Variants in CEP78 observed in about 807,000 individuals in gnomAD.
CEP78 encodes centrosomal protein of 78 kDa.
In CEP78, 76 loss-of-function variants were observed where a neutral mutation model predicts 81.2. That is an observed-to-expected ratio of 0.94 (90% CI 0.78 to 1.13). CEP78 has a LOEUF of 1.13. Ranked by LOEUF, CEP78 falls within the 50% of genes most tolerant of loss-of-function variation. The pLI is 0.00. For missense variants in CEP78, 918 were observed against 846.8 expected (o/e 1.08, Z -1.04); for synonymous variants, 293 against 301.4 (o/e 0.97, Z 0.29).
Position 78,271,015 on chromosome 9 carries a change from G to T in CEP78, c.*164G>T. Reference sequence around the variant, plus strand: ...CTCATCTTTGGAGCATCTGATTCTGGAGTTTGCCACCAGGCTAAGAAAGCA... The same window carrying T: ...CTCATCTTTGGAGCATCTGATTCTGTAGTTTGCCACCAGGCTAAGAAAGCA... On this transcript the variant is annotated 3_prime_UTR_variant, in exon 17 of 17. Transcript: ENST00000643273. 1 of 496,840 alleles carries T rather than the reference G, an allele frequency of 2.0e-6. No homozygotes were observed. Among genetic ancestry groups the T allele is most frequent in the Non-Finnish European group, 3.5e-6 (1 of 285,498 alleles). 30.8% of individuals were successfully genotyped at this position (496,840 alleles called of 1,614,324 possible).
chr9:78,248,437 C>T (rs1166412849), intron 7 of CEP78, 82 bp downstream of exon 7: 2 of 894,348 alleles, frequency 2.2e-6, no homozygotes, highest in Non-Finnish European at 3.6e-6. Flanking sequence ...CCCAGCCTGG[C>T]CTCAAACTTC....
chr9:78,253,254 C>T lies in CEP78; in HGVS notation c.1228C>T (p.Arg410Cys), dbSNP rs200567472. Residue 410 changes from arginine (R) to cysteine (C), a missense_variant, in exon 10 of 17, where the codon CGT becomes TGT. Transcript: ENST00000643273. ...TAGGGGTTTCCCATTAATCAAAACA[C>T]GTGATATATGTAATCAGTTGCAGGT... is the stretch of plus-strand genomic sequence containing the variant. ...RHRGFPLIKT[R>C]DICNQLQQPG... The T allele has an allele frequency of 7.3e-5, 101 of 1,386,030 alleles. No homozygotes were observed. Among genetic ancestry groups the T allele is most frequent in the Non-Finnish European group, 9.4e-5 (93 of 985,582 alleles). 85.9% of individuals were successfully genotyped at this position (1,386,030 alleles called of 1,614,324 possible). A position where few individuals can be genotyped will look rare whatever the true frequency, so the allele number is the denominator to read the frequency against.
In CEP78 at chr9:78,277,697, T is replaced by A. The variant is rs970392379; in HGVS notation, c.*6846T>A. The A allele has an allele frequency of 8.7e-4, 133 of 152,312 alleles. No homozygotes were observed. The highest frequency in any genetic ancestry group is 3.1e-3 in the African/African-American group (129 of 41,576). 9.4% of individuals were successfully genotyped at this position (152,312 alleles called of 1,614,324 possible). A position where few individuals can be genotyped will look rare whatever the true frequency, so the allele number is the denominator to read the frequency against. On this transcript the variant is annotated 3_prime_UTR_variant, in exon 17 of 17. Coordinates refer to ENST00000643273, the MANE Select transcript of CEP78 (RefSeq NM_001330691.3). ...ATCAACATGTGAAATGTCTCCAGCCTTTGATCTAATGACTAATTTTAGGCA... is the reference window on the plus strand; with the variant it reads ...ATCAACATGTGAAATGTCTCCAGCCATTGATCTAATGACTAATTTTAGGCA...
rs12553885 is a variant in CEP78 at position 78,270,479 on chromosome 9, A to G, written c.2108-362A>G. ...AAGTGTGTTCCTTTACTGAGAAATTACTATGCACCTTTACTGAGTACTTAC... is the reference window on the plus strand; with the variant it reads ...AAGTGTGTTCCTTTACTGAGAAATTGCTATGCACCTTTACTGAGTACTTAC... On this transcript the variant is annotated intron_variant, in intron 16 of 16. Coordinates refer to ENST00000643273, the MANE Select transcript of CEP78 (RefSeq NM_001330691.3). Among the ~76,000 whole-genome samples the G allele has an allele frequency of 5.0e-3, 763 of 152,290 alleles. 11 individuals are homozygous for G. The highest frequency in any genetic ancestry group is 0.025 in the Admixed American group (381 of 15,300).
At chr9:78,251,780 C>A in intron 8 of CEP78, 128 bp from the exon 9 acceptor site, 1 of 589,102 alleles carries the variant, frequency 1.7e-6, no homozygotes. Context: ...CAAATTGATC[C>A]TGATTTAATG....
rs564494085 is a variant in CEP78 at position 78,272,554 on chromosome 9, C to T, written c.*1703C>T. On this transcript the variant is annotated 3_prime_UTR_variant, in exon 17 of 17. Transcript: ENST00000643273. The stretch of plus-strand genomic sequence containing the variant: ...AGGACACAGAAAGTGAAAGCTTGTC[C>T]TAGATATTGTCTTATTCATGGGAAG... 2 of 152,018 alleles carry T rather than the reference C, an allele frequency of 1.3e-5. No individual in the cohort carries two copies. Among genetic ancestry groups the T allele is most frequent in the African/African-American group, 4.8e-5 (2 of 41,378 alleles). The allele number at this position is 152,018 out of a possible 1,614,324, so 9.4% of individuals were successfully genotyped here.
Position 78,270,942 on chromosome 9 carries a change from T to A in CEP78, c.*91T>A. Reference sequence around the variant, plus strand: ...AAATTTCTGGAAGATAAGAAGCAGATGATTTAAGTACCAGTTAATTAAAGG... The same window carrying A: ...AAATTTCTGGAAGATAAGAAGCAGAAGATTTAAGTACCAGTTAATTAAAGG... On this transcript the variant is annotated 3_prime_UTR_variant, in exon 17 of 17. Transcript: ENST00000643273. The A allele has an allele frequency of 1.6e-6, 1 of 625,252 alleles. No individual in the cohort carries two copies. Among genetic ancestry groups the A allele is most frequent in the Non-Finnish European group, 2.8e-6 (1 of 355,194 alleles). 38.7% of individuals were successfully genotyped at this position (625,252 alleles called of 1,614,324 possible).
intron 10 of CEP78, among the ~76,000 whole-genome samples, chr9:78,254,294 C>T (rs988973801): frequency 4.6e-5 from 7 of 152,068 alleles, no homozygotes; most frequent in Non-Finnish European, 8.8e-5. Flanking sequence ...TCTCGAACTT[C>T]TGACCTTAAG....
rs763885839 is a variant in CEP78, at chr9:78,266,565, C to T, written c.1969C>T (p.Arg657Trp). 5.6e-6 allele frequency: 9 copies of T among 1,613,868 alleles called. No homozygotes were observed. The highest frequency in any genetic ancestry group is 1.6e-4 in the Middle Eastern group (1 of 6,062). ...NNLGVPATEQ[R>W]QESFEGFIAR... The stretch of plus-strand genomic sequence containing the variant: ...CCTAGGAGTCCCAGCTACTGAGCAG[C>T]GGCAGGAGTCTTTTGAAGGATTCAT... Residue 657 changes from arginine to tryptophan, a missense_variant, in exon 16 of 17, where the codon CGG becomes TGG. By Grantham distance (101) the Arg-to-Trp change is moderately radical (BLOSUM62 -3). Transcript: ENST00000643273.
chr9:78,251,898 T>C lies in CEP78; in HGVS notation c.1070-10T>C. On this transcript the variant is annotated splice_polypyrimidine_tract_variant and intron_variant, in intron 8 of 16. Transcript: ENST00000643273. Reference sequence around the variant, plus strand: ...ATCTTGATTCTTTCTTTTTAACACTTCTCAAGTAGGATTGGCTACAAAGAA... The same window carrying C: ...ATCTTGATTCTTTCTTTTTAACACTCCTCAAGTAGGATTGGCTACAAAGAA... 1 of 1,602,182 alleles carries C rather than the reference T, an allele frequency of 6.2e-7. No individual in the cohort carries two copies. Among genetic ancestry groups the C allele is most frequent in the Admixed American group, 1.7e-5 (1 of 59,552 alleles).
rs142750130 is a variant in CEP78 at position 78,270,998 on chromosome 9, T to C, written c.*147T>C. The C allele has an allele frequency of 2.0e-6, 1 of 499,074 alleles. No individual in the cohort carries two copies. Among genetic ancestry groups the C allele is most frequent in the African/African-American group, 2.0e-5 (1 of 49,858 alleles). 30.9% of individuals were successfully genotyped at this position (499,074 alleles called of 1,614,324 possible). ...ACAGCTAAGCCATTCCACTCATCTT[T>C]GGAGCATCTGATTCTGGAGTTTGCC... On this transcript the variant is annotated 3_prime_UTR_variant, in exon 17 of 17. Transcript: ENST00000643273.
At chr9:78,238,357 C>A (rs1248931547) in intron 1 of CEP78, among the ~76,000 whole-genome samples, 2 of 152,112 alleles carry the variant, frequency 1.3e-5, no homozygotes, top group Non-Finnish European at 2.9e-5. Flanking sequence ...GTGGGGCATC[C>A]AAATGTGTCT....
chr9:78,269,330 G>A (rs1376549021), intron 16 of CEP78, among the ~76,000 whole-genome samples: 1 of 152,196 alleles, frequency 6.6e-6, no homozygotes, highest in Non-Finnish European at 1.5e-5. Context: ...AACTGCTTTG[G>A]AAAGAAGAGT....
intron 14 of CEP78, 115 bp downstream of exon 14, chr9:78,265,658 C>T (rs1158885047): frequency 3.1e-6 from 3 of 962,238 alleles, no homozygotes; most frequent in Admixed American, 5.5e-5. Context: ...CCAGAAGCAT[C>T]TTTGGGGTCC....
chr9:78,263,512 A>G (rs991757368), intron 12 of CEP78, among the ~76,000 whole-genome samples: 1 of 152,176 alleles, frequency 6.6e-6, no homozygotes, highest in Non-Finnish European at 1.5e-5. Context: ...TTTAAGGAGG[A>G]ATTTTTGAAA....
In CEP78 at chr9:78,279,043, T is replaced by C. The variant is rs919191988; in HGVS notation, c.*8192T>C. The C allele has an allele frequency of 2.7e-5, 4 of 149,422 alleles. No individual in the cohort carries two copies. The highest frequency in any genetic ancestry group is 1.0e-4 in the African/African-American group (4 of 39,860). 9.3% of individuals were successfully genotyped at this position (149,422 alleles called of 1,614,324 possible). ...GCCCGAGTTCTCTTAGTACAGTTTG[T>C]ACATTTTAAACCACTGTGAACTGAA... On this transcript the variant is annotated 3_prime_UTR_variant, in exon 17 of 17. Coordinates refer to ENST00000643273, the MANE Select transcript of CEP78 (RefSeq NM_001330691.3).
At chr9:78,237,616 G>T (rs1332282516) in intron 1 of CEP78, among the ~76,000 whole-genome samples, 11 of 152,150 alleles carry the variant, frequency 7.2e-5, no homozygotes, top group Non-Finnish European at 4.4e-5. Flanking sequence ...TGGAAACCTT[G>T]TGGGGGCCAA....
intron 1 of CEP78, among the ~76,000 whole-genome samples, chr9:78,239,622 T>C (rs1826123048): frequency 6.6e-6 from 1 of 151,370 alleles, no homozygotes; most frequent in South Asian, 2.1e-4. Flanking sequence ...TCTCCCTGCC[T>C]CTTTGTAAAT....
At position 78,248,874 on chromosome 9, in the gene CEP78, G is replaced by A. The variant is rs1280091554; in HGVS notation, c.1069+1G>A. On this transcript the variant is annotated splice_donor_variant, in intron 8 of 16. Transcript: ENST00000643273. LOFTEE classifies it high-confidence loss of function. ...AAAGGAAAAGCTACTATTAGAATTG[G>A]TAACCTTTTCTGTCTTGGCTTTTTA... 6.7e-7 allele frequency: 1 copy of A among 1,495,152 alleles called. No individual in the cohort carries two copies. Among genetic ancestry groups the A allele is most frequent in the Admixed American group, 1.9e-5 (1 of 52,326 alleles). 92.6% of individuals were successfully genotyped at this position (1,495,152 alleles called of 1,614,324 possible). A position where few individuals can be genotyped will look rare whatever the true frequency, so the allele number is the denominator to read the frequency against.
Sources: allele counts gnomAD v4.1 joint callset (sites outside exome capture counted in the v4.1 genomes callset), GRCh38; gene constraint gnomAD v4.1.1; transcripts MANE v1.5; gene names NCBI Gene and HGNC (gene_info 2026-07-23, HGNC 2026-07-21).